UNC13D: variants seen among roughly 807,000 people sequenced by gnomAD.
UNC13D encodes the protein protein unc-13 homolog D.
Under a neutral mutation model 151.7 loss-of-function variants are expected in UNC13D, and 115 were observed. The ratio of observed to expected loss-of-function variants is 0.76; its 90% CI spans 0.65 to 0.88. The LOEUF (loss-of-function observed/expected upper bound fraction) is 0.88, where lower values mean the gene tolerates loss of function less well. UNC13D is among the 40% of genes least tolerant of loss of function. The pLI is 0.00. For missense variants in UNC13D, 1,369 were observed against 1,438.7 expected (o/e 0.95, Z 0.78); for synonymous variants, 588 against 612.2 (o/e 0.96, Z 0.58).
In UNC13D at chr17:75,828,799, G is replaced by C. The variant is rs1567815946; in HGVS notation, c.3139C>G (p.Pro1047Ala). Residue 1047 changes from proline (P) to alanine (A), a missense_variant, in exon 31 of 32, where the codon CCC becomes GCC. By Grantham distance (27) the Pro-to-Ala change is conservative (BLOSUM62 -1). Transcript: ENST00000207549. ...VPQTRLPLTY[P>A]APNGDPILQL... ...GGCTCAGGCCTACCGTTGGGTGCGG[G>C]GTACGTGAGGGGCAGGCGGGTCTGA... The C allele has an allele frequency of 6.5e-7, 1 of 1,548,998 alleles. No homozygotes were observed. The highest frequency in any genetic ancestry group is 8.7e-7 in the Non-Finnish European group (1 of 1,148,464).
In UNC13D at chr17:75,834,655, G is replaced by C; in HGVS notation, c.2054C>G (p.Ser685Cys). ...SLIKARAREL[S>C]SGQKDQGQAA... is the part of the protein sequence containing the mutation. ...CTGGCCTTGGTCCTTCTGGCCTGAA[G>C]AGAGCTCGCGGGCCCGGGCCTTTAT... Residue 685 changes from serine (S) to cysteine (C), a missense_variant, in exon 22 of 32, where the codon TCT becomes TGT. This residue lies in a region of UNC13D where 807 missense variants were observed against 795.5 expected (regional missense o/e 1.01). Transcript: ENST00000207549. 4 of 1,613,810 alleles carry C rather than the reference G, an allele frequency of 2.5e-6. No homozygotes were observed. Among genetic ancestry groups the C allele is most frequent in the Non-Finnish European group, 3.4e-6 (4 of 1,180,034 alleles).
In UNC13D at chr17:75,843,192, C is replaced by G. The variant is rs747513643; in HGVS notation, c.228G>C (p.Thr76=). ...RLGHPEPNHV[T]EASELLRYLQ... is the part of the protein sequence containing the mutation. ...GGTATCGCAGCAGCTCAGAGGCCTCCGTCACATGGTTGGGCTCAGGATGAC... is the reference window on the plus strand; with the variant it reads ...GGTATCGCAGCAGCTCAGAGGCCTCGGTCACATGGTTGGGCTCAGGATGAC... Residue 76 remains threonine (T), a synonymous_variant, in exon 3 of 32, where the codon ACG becomes ACC. Coordinates refer to ENST00000207549, the MANE Select transcript of UNC13D (RefSeq NM_199242.3). 13 of 1,612,238 alleles carry G rather than the reference C, an allele frequency of 8.1e-6. No individual in the cohort carries two copies. The highest frequency in any genetic ancestry group is 1.7e-4 in the Middle Eastern group (1 of 6,042).
chr17:75,832,149 GA>G lies in UNC13D; in HGVS notation c.2448-802del, dbSNP rs968088567. ...TAAAAAATATATATACATGGTTTAA[GA>G]AATAAAAACGGCCGGGCTCCGAGGG... On this transcript the variant is annotated intron_variant, in intron 25 of 31. Transcript: ENST00000207549. The surrounding 1 kb of genome is among the most constrained non-coding windows in gnomAD (Gnocchi z 4.3). 1 of 148,248 alleles carries G rather than the reference GA, an allele frequency of 6.7e-6. No individual in the cohort carries two copies. Among genetic ancestry groups the G allele is most frequent in the Non-Finnish European group, 1.5e-5 (1 of 67,258 alleles). 9.2% of individuals were successfully genotyped at this position (148,248 alleles called of 1,614,324 possible).
rs111864683 is a variant in UNC13D at position 75,833,667 on chromosome 17, A to G, written c.2367+408T>C. 4.8e-4 allele frequency among the ~76,000 whole-genome samples: 73 copies of G among 152,314 alleles called. No homozygotes were observed. The highest frequency in any genetic ancestry group is 1.6e-3 in the African/African-American group (66 of 41,568). On this transcript the variant is annotated intron_variant, in intron 24 of 31. Transcript: ENST00000207549. The surrounding 1 kb of genome is among the most constrained non-coding windows in gnomAD (Gnocchi z 4.0). ...CTATCCCCAGTGCTTAAATCAATGCATAGGACAAAGTGGGGACCTAATAAA... is the reference window on the plus strand; with the variant it reads ...CTATCCCCAGTGCTTAAATCAATGCGTAGGACAAAGTGGGGACCTAATAAA...
At position 75,828,919 on chromosome 17, in the gene UNC13D, C is replaced by T. The variant is rs757164072; in HGVS notation, c.3019G>A (p.Asp1007Asn). 21 of 1,607,182 alleles carry T rather than the reference C, an allele frequency of 1.3e-5. No individual in the cohort carries two copies. The highest frequency in any genetic ancestry group is 1.7e-5 in the Admixed American group (1 of 59,972). ...ACLLLTVLDY[D>N]TLGADDLEGE... ...TCCAGGTCGTCGGCCCCCAGCGTGT[C>T]GTAGTCCAGCACGGTGAGCAGGAGG... is the stretch of plus-strand genomic sequence containing the variant. Residue 1007 changes from aspartate to asparagine, a missense_variant, in exon 31 of 32, where the codon GAC becomes AAC. By Grantham distance (23) the Asp-to-Asn change is conservative. Transcript: ENST00000207549.
intron 1 of UNC13D, 31 bp from the exon 2 acceptor site, chr17:75,843,550 G>C: frequency 1.2e-6 from 2 of 1,607,996 alleles, no homozygotes; most frequent in Non-Finnish European, 1.7e-6. Context: ...GCAGTGTCCC[G>C]GGAGGCCCAG....
chr17:75,842,652 G>A (rs768866754), intron 5 of UNC13D, 39 bp from the exon 6 acceptor site: 16 of 1,608,722 alleles, frequency 9.9e-6, no homozygotes, highest in African/African-American at 8.0e-5. Context: ...CCAGGGAGTC[G>A]GCTGGGTCCC....
At chr17:75,837,871 C>T (rs996461657) in intron 12 of UNC13D, among the ~76,000 whole-genome samples, 9 of 152,100 alleles carry the variant, frequency 5.9e-5, no homozygotes, top group African/African-American at 9.7e-5. Context: ...ATCACACAAA[C>T]GAGGTCCCGT....
chr17:75,830,879 C>G (rs975318845), intron 27 of UNC13D, among the ~76,000 whole-genome samples: 2 of 152,238 alleles, frequency 1.3e-5, no homozygotes, highest in Admixed American at 6.5e-5. Context: ...ACCCCACCCC[C>G]CATGCGGGCA....
intron 17 of UNC13D, 48 bp downstream of exon 17, chr17:75,835,964 G>A (rs202196481): frequency 4.2e-5 from 67 of 1,614,028 alleles, no homozygotes; most frequent in Middle Eastern, 1.6e-4. Context: ...CCATGGTTCC[G>A]GCTCTGAGGC....
intron 23 of UNC13D, 80 bp downstream of exon 23, chr17:75,834,245 G>T: frequency 6.3e-7 from 1 of 1,584,224 alleles, no homozygotes; most frequent in South Asian, 1.1e-5. Flanking sequence ...GTCAGGGTTG[G>T]ACCTTGGCCC....
At chr17:75,835,332 C>T (rs752825078) in intron 20 of UNC13D, 77 bp downstream of exon 20, 41 of 1,566,948 alleles carry the variant, frequency 2.6e-5, no homozygotes, top group South Asian at 6.8e-5. Context: ...GCTTTTACTA[C>T]GCTTTGGAGG....
At position 75,828,091 on chromosome 17, in the gene UNC13D, GGA is replaced by G. The variant is rs1308040427; in HGVS notation, c.3152-7_3152-6del. 9.5e-6 allele frequency: 15 copies of G among 1,571,760 alleles called. No individual in the cohort carries two copies. The African/African-American group carries it at 1.6e-4, about 17-fold the overall frequency. ...GCAGCTGCAGGATTGGGTCCCCTGC[GGA>G]GAGAGGGGTTTGGGGGTCAGATGCC... On this transcript the variant is annotated splice_region_variant and splice_polypyrimidine_tract_variant and intron_variant, in intron 31 of 31. Coordinates refer to ENST00000207549, the MANE Select transcript of UNC13D (RefSeq NM_199242.3).
chr17:75,832,938 C>T lies in UNC13D; in HGVS notation c.2447+28G>A, dbSNP rs1243334100. On this transcript the variant is annotated intron_variant, in intron 25 of 31. Transcript: ENST00000207549. This position sits in a 1 kb window ranked among gnomAD's most constrained non-coding sequence, Gnocchi z 4.3. ...TGGGAGGAGAGGGGGAGGTGGCGAG[C>T]GCGCCCAGGGCAGGGGCTGCTACAG... 6.4e-6 allele frequency: 10 copies of T among 1,558,282 alleles called. No homozygotes were observed. The highest frequency in any genetic ancestry group is 2.3e-5 in the East Asian group (1 of 42,960).
At position 75,833,173 on chromosome 17, in the gene UNC13D, T is replaced by G; in HGVS notation, c.2368-128A>C. 1 of 906,358 alleles carries G rather than the reference T, an allele frequency of 1.1e-6. No individual in the cohort carries two copies. Among genetic ancestry groups the G allele is most frequent in the Non-Finnish European group, 1.7e-6 (1 of 580,148 alleles). The allele number at this position is 906,358 out of a possible 1,614,324, so 56.1% of individuals were successfully genotyped here. ...CTGTGAGAGCAGTTTGTAGTGTCTG[T>G]AAGAGGCCGGCCTGCCCACCTCTCT... On this transcript the variant is annotated intron_variant, in intron 24 of 31. Transcript: ENST00000207549. The surrounding 1 kb of genome is among the most constrained non-coding windows in gnomAD (Gnocchi z 4.0).
chr17:75,828,924 T>G lies in UNC13D; in HGVS notation c.3014A>C (p.Asp1005Ala). 1 of 1,607,016 alleles carries G rather than the reference T, an allele frequency of 6.2e-7. No homozygotes were observed. ...AGACLLLTVL[D>A]YDTLGADDLE... ...GTCGTCGGCCCCCAGCGTGTCGTAG[T>G]CCAGCACGGTGAGCAGGAGGCATGC... Residue 1005 changes from aspartate to alanine, a missense_variant, in exon 31 of 32, where the codon GAC (aspartate) becomes GCC (alanine). Asp to Ala is a moderately radical substitution (Grantham distance 126). Around this residue, in one of 3 missense-constraint regions of UNC13D, gnomAD observed 807 missense variants for 795.5 expected, o/e 1.01. Transcript: ENST00000207549.
intron 12 of UNC13D, among the ~76,000 whole-genome samples, chr17:75,838,876 G>A (rs1353193541): frequency 4.6e-5 from 7 of 152,002 alleles, no homozygotes; most frequent in Admixed American, 1.3e-4. Flanking sequence ...CAAGGCGGGC[G>A]GATCATGAGG....
chr17:75,842,845 C>A lies in UNC13D; in HGVS notation c.388+12G>T, dbSNP rs1387346227. 3 of 1,613,640 alleles carry A rather than the reference C, an allele frequency of 1.9e-6. No individual in the cohort carries two copies. The Admixed American group carries it at 5.0e-5, about 27-fold the overall frequency. On this transcript the variant is annotated intron_variant, in intron 5 of 31. Coordinates refer to ENST00000207549, the MANE Select transcript of UNC13D (RefSeq NM_199242.3). ...AGGAAGAAGCCCCTTGGGGACCCCA[C>A]CCCATGCTCACCACTGACATCTTTG...
At position 75,827,793 on chromosome 17, in the gene UNC13D, C is replaced by T; in HGVS notation, c.*172G>A. 6.7e-7 allele frequency: 1 copy of T among 1,481,516 alleles called. No homozygotes were observed. The highest frequency in any genetic ancestry group is 9.0e-7 in the Non-Finnish European group (1 of 1,115,094). The allele number at this position is 1,481,516 out of a possible 1,614,324, so 91.8% of individuals were successfully genotyped here. ...GAGTAGAGATGTCGCTGCTGAGCCC[C>T]CATCACCATGGGAGGCAGGGGAGGT... On this transcript the variant is annotated 3_prime_UTR_variant, in exon 32 of 32. Transcript: ENST00000207549.
Sources: gnomAD v4.1 joint callset for allele counts (sites outside exome capture counted in the v4.1 genomes callset) on GRCh38, gnomAD v4.1.1 for gene constraint, gnomAD v4.1.1 regional missense constraint, Gnocchi (gnomAD v3.1) non-coding constraint, MANE v1.5 for transcripts, NCBI Gene and HGNC (gene_info 2026-07-23, HGNC 2026-07-21) for gene names.